Variants in SFI1 observed in about 807,000 individuals in gnomAD.
SFI1 encodes protein SFI1 homolog.
A neutral mutation model predicts 207.5 loss-of-function variants in SFI1; 195 were observed. The ratio of observed to expected loss-of-function variants is 0.94; its 90% CI spans 0.84 to 1.06. The LOEUF is 1.06. Among genes scored for constraint, SFI1 ranks in the 50% least tolerant of loss-of-function variants. The pLI is 0.00. For synonymous variants in SFI1, 630 were observed against 598.9 expected (o/e 1.05, Z -0.76); for missense variants, 1,634 against 1,588.0 (o/e 1.03, Z -0.49).
intron 29 of SFI1, chr22:31,616,278 G>C (rs761380236): frequency 8.4e-5 from 13 of 155,048 alleles, no homozygotes; most frequent in Admixed American, 4.6e-4. Context: ...GTTTGAATGT[G>C]GGTTTGAAAG....
intron 21 of SFI1, among the ~76,000 whole-genome samples, chr22:31,607,140 T>C (rs1657133713): frequency 6.6e-6 from 1 of 152,144 alleles, no homozygotes; most frequent in Admixed American, 6.5e-5. Context: ...ACAGGAATCT[T>C]TGCTTGGCTT....
intron 5 of SFI1, among the ~76,000 whole-genome samples, chr22:31,547,620 T>TG (rs1454295070): frequency 3.6e-5 from 5 of 139,274 alleles, no homozygotes; most frequent in African/African-American, 1.4e-4. Context: ...CTGTTTTTTT[T>TG]GTTTTTTTTT....
Position 31,616,896 on chromosome 22 carries a change from T to C in SFI1, c.3433+19T>C, listed in dbSNP as rs899498496. The C allele has an allele frequency of 6.3e-7, 1 of 1,597,042 alleles. No individual in the cohort carries two copies. Among genetic ancestry groups the C allele is most frequent in the African/African-American group, 1.3e-5 (1 of 74,894 alleles). On this transcript the variant is annotated intron_variant, in intron 30 of 32. Coordinates refer to ENST00000400288, the MANE Select transcript of SFI1 (RefSeq NM_001007467.3). ...ACTGCAGGTGTGTACCTGGGGCCTGTCAGGGCAGAAAGCACTCAGGCCACT... is the reference window on the plus strand; with the variant it reads ...ACTGCAGGTGTGTACCTGGGGCCTGCCAGGGCAGAAAGCACTCAGGCCACT...
intron 14 of SFI1, 25 bp from the exon 15 acceptor site, chr22:31,589,422 A>G (rs1204469705): frequency 6.4e-7 from 1 of 1,573,118 alleles, no homozygotes; most frequent in East Asian, 2.3e-5. Flanking sequence ...GTTAAGTACA[A>G]AGGTTATTCA....
At chr22:31,520,304 G>A (rs2057069352) in intron 2 of SFI1, among the ~76,000 whole-genome samples, 1 of 151,836 alleles carries the variant, frequency 6.6e-6, no homozygotes, top group Non-Finnish European at 1.5e-5. Context: ...TTTTCTTCAC[G>A]GTTTTATTAC....
chr22:31,530,979 T>TC, intron 3 of SFI1, 79 bp from the exon 4 acceptor site: 2 of 1,212,194 alleles, frequency 1.6e-6, no homozygotes, highest in Non-Finnish European at 2.4e-6. Flanking sequence ...CTTAAAGGCT[T>TC]CCTTTCCTTT....
intron 1 of SFI1, among the ~76,000 whole-genome samples, chr22:31,507,896 G>A (rs1269590222): frequency 6.6e-6 from 1 of 151,940 alleles, no homozygotes; most frequent in Non-Finnish European, 1.5e-5. Context: ...CCAACATGGT[G>A]GAATCTTGTC....
At chr22:31,569,605 ACC>A (rs1273163781) in intron 8 of SFI1, among the ~76,000 whole-genome samples, 2 of 152,098 alleles carry the variant, frequency 1.3e-5, no homozygotes, top group Non-Finnish European at 2.9e-5. Context: ...ACTTTAAGTG[ACC>A]TAACAATTAA....
At chr22:31,518,662 C>T (rs1308887379) in intron 2 of SFI1, among the ~76,000 whole-genome samples, 1 of 152,072 alleles carries the variant, frequency 6.6e-6, no homozygotes, top group Admixed American at 6.6e-5. Flanking sequence ...CAAGGCTGAC[C>T]CTTGGCTGGT....
At chr22:31,566,128 T>C (rs2062278191) in intron 8 of SFI1, among the ~76,000 whole-genome samples, 1 of 151,918 alleles carries the variant, frequency 6.6e-6, no homozygotes, top group African/African-American at 2.4e-5. Flanking sequence ...CTATTTTTTT[T>C]TTTTTTTTGA....
chr22:31,588,823 A>C (rs1026914592), intron 14 of SFI1, among the ~76,000 whole-genome samples: 17 of 151,776 alleles, frequency 1.1e-4, no homozygotes, highest in Non-Finnish European at 2.5e-4. Context: ...AAAAAAAAAA[A>C]ACAAAAAACA....
In SFI1 at chr22:31,611,443, G is replaced by C. The variant is rs904319054; in HGVS notation, c.2415+140G>C. ...TGAGTGGTGGGTGGTTTGGGGTCCT[G>C]TAAGACAAAGCTGCAGGAGCCTTTC... is the stretch of plus-strand genomic sequence containing the variant. On this transcript the variant is annotated intron_variant, in intron 23 of 32. Coordinates refer to ENST00000400288, the MANE Select transcript of SFI1 (RefSeq NM_001007467.3). 228 of 1,137,614 alleles carry C rather than the reference G, an allele frequency of 2.0e-4. 1 individual carries two copies. The highest frequency in any genetic ancestry group is 8.7e-5 in the Admixed American group (3 of 34,496). The allele number at this position is 1,137,614 out of a possible 1,614,324, so 70.5% of individuals were successfully genotyped here. A position where few individuals can be genotyped will look rare whatever the true frequency, so the allele number is the denominator to read the frequency against.
intron 21 of SFI1, among the ~76,000 whole-genome samples, chr22:31,607,029 C>G (rs1232468982): frequency 6.6e-6 from 1 of 151,878 alleles, no homozygotes; most frequent in African/African-American, 2.4e-5. Flanking sequence ...CACCACTGCA[C>G]TCCAGCCTGG....
At chr22:31,554,599 C>T (rs1386091342) in intron 6 of SFI1, among the ~76,000 whole-genome samples, 7 of 117,714 alleles carry the variant, frequency 5.9e-5, no homozygotes, top group African/African-American at 9.8e-5. Context: ...TGAGCCACTG[C>T]GCCCAGCCTT....
rs572781943 is a variant in SFI1 at position 31,514,599 on chromosome 22, A to G, written c.92+6223A>G. 2.0e-5 allele frequency among the ~76,000 whole-genome samples: 3 copies of G among 150,404 alleles called. No individual in the cohort carries two copies. The South Asian group carries it at 6.3e-4, about 32-fold the overall frequency. On this transcript the variant is annotated intron_variant, in intron 2 of 32. Transcript: ENST00000400288. Reference sequence around the variant, plus strand: ...GATTACCATCTTCCCAATTCTCCCTACTCCTAGCCTTTGGTAACCACCATT... The same window carrying G: ...GATTACCATCTTCCCAATTCTCCCTGCTCCTAGCCTTTGGTAACCACCATT...
rs1361869690 is a variant in SFI1 at position 31,517,853 on chromosome 22, C to G, written c.92+9477C>G. Among the ~76,000 whole-genome samples the G allele has an allele frequency of 4.6e-5, 7 of 152,138 alleles. No homozygotes were observed. In the South Asian group the frequency reaches 1.0e-3, roughly 22 times the overall value. ...TTGAATATGTAGCCTTGCGATAAGCCTGATATCTAAGTAAGACTGCTTATC... is the reference window on the plus strand; with the variant it reads ...TTGAATATGTAGCCTTGCGATAAGCGTGATATCTAAGTAAGACTGCTTATC... On this transcript the variant is annotated intron_variant, in intron 2 of 32. Transcript: ENST00000400288.
chr22:31,546,423 C>T (rs187361442), intron 4 of SFI1, among the ~76,000 whole-genome samples: 1 of 151,758 alleles, frequency 6.6e-6, no homozygotes, highest in Non-Finnish European at 1.5e-5. Context: ...CTCTGCCTCC[C>T]GGGTTCAAGC....
chr22:31,540,738 G>A (rs370883822), intron 4 of SFI1, among the ~76,000 whole-genome samples: 1 of 151,842 alleles, frequency 6.6e-6, no homozygotes, highest in Non-Finnish European at 1.5e-5. Flanking sequence ...GCGCCACCAC[G>A]CCTGGCTAAT....
chr22:31,499,922 A>C (rs2053424140), intron 1 of SFI1, among the ~76,000 whole-genome samples: 1 of 138,868 alleles, frequency 7.2e-6, no homozygotes, highest in Non-Finnish European at 1.5e-5. Flanking sequence ...CAGGAGGCGG[A>C]GGTTGCAGTG....
Sources: gnomAD v4.1 joint callset for allele counts (sites outside exome capture counted in the v4.1 genomes callset) on GRCh38, gnomAD v4.1.1 for gene constraint, MANE v1.5 for transcripts, NCBI Gene and HGNC (gene_info 2026-07-23, HGNC 2026-07-21) for gene names.